The following CSTPP1 variants were observed in gnomAD, a reference collection of about 807,000 sequenced individuals.
CSTPP1 encodes UPF0705 protein C11orf49.
At chr11:46,974,894 AC>A in the CSTPP1 span, among the ~76,000 whole-genome samples, 2 of 102,500 alleles carry the variant, frequency 2.0e-5, no homozygotes, top group Non-Finnish European at 4.3e-5. Context: ...ACACACACAC[AC>A]ACACACACAA....
the CSTPP1 span, among the ~76,000 whole-genome samples, chr11:47,149,828 A>G: frequency 6.6e-6 from 1 of 152,030 alleles, no homozygotes; most frequent in African/African-American, 2.4e-5. Flanking sequence ...CACCCTTGGG[A>G]CAACACTGTC....
the CSTPP1 span, among the ~76,000 whole-genome samples, chr11:47,162,918 G>A: frequency 9.2e-4 from 140 of 152,244 alleles, no homozygotes; most frequent in South Asian, 0.011. Context: ...GTGGCTCATT[G>A]CCTGTAATCC....
chr11:47,083,447 G>A, the CSTPP1 span, among the ~76,000 whole-genome samples: 1 of 152,046 alleles, frequency 6.6e-6, no homozygotes, highest in Non-Finnish European at 1.5e-5. Flanking sequence ...CATGTTTTCA[G>A]TTCTCTTGGA....
the CSTPP1 span, among the ~76,000 whole-genome samples, chr11:47,085,262 G>C: frequency 6.6e-6 from 1 of 152,040 alleles, no homozygotes; most frequent in African/African-American, 2.4e-5. Context: ...GCTCACTTTT[G>C]TATAGATATA....
chr11:47,050,744 C>T, the CSTPP1 span, among the ~76,000 whole-genome samples: 5 of 152,172 alleles, frequency 3.3e-5, no homozygotes. Flanking sequence ...TATAACAGCT[C>T]ATTTGCTGTA....
the CSTPP1 span, among the ~76,000 whole-genome samples, chr11:47,079,932 A>G: frequency 4.6e-5 from 7 of 151,734 alleles, no homozygotes; most frequent in Non-Finnish European, 7.4e-5. Context: ...CGTCTCTATT[A>G]AAAATACAAA....
At chr11:47,161,242 G>C in the CSTPP1 span, 1 of 1,613,762 alleles carries the variant, frequency 6.2e-7, no homozygotes, top group South Asian at 1.1e-5. Context: ...AGACGGGTCG[G>C]ACACGGCTGT....
chr11:47,097,632 G>A, the CSTPP1 span, among the ~76,000 whole-genome samples: 5 of 112,590 alleles, frequency 4.4e-5, no homozygotes, highest in Non-Finnish European at 9.7e-5. Flanking sequence ...GAGGGAGGTG[G>A]GGGGGTCGGC....
chr11:47,144,980 A>ATTTTTTTTT, the CSTPP1 span, among the ~76,000 whole-genome samples: 1 of 92,874 alleles, frequency 1.1e-5, no homozygotes, highest in Non-Finnish European at 2.1e-5. Flanking sequence ...ATTGCCTGCC[A>ATTTTTTTTT]TTTTTTTTTT....
At chr11:47,116,675 GTTTTTTTTTTTT>G in the CSTPP1 span, among the ~76,000 whole-genome samples, 5 of 83,908 alleles carry the variant, frequency 6.0e-5, no homozygotes, top group Non-Finnish European at 1.1e-4. Context: ...TGCTTGGTAG[GTTTTTTTTTTTT>G]TTTTTTTTTT....
chr11:47,052,585 C>T, the CSTPP1 span: 3 of 1,555,770 alleles, frequency 1.9e-6, no homozygotes, highest in Admixed American at 3.7e-5. Context: ...CTTCCTTCCT[C>T]TCTCTCTCTT....
At chr11:47,104,323 C>T in the CSTPP1 span, among the ~76,000 whole-genome samples, 1 of 152,332 alleles carries the variant, frequency 6.6e-6, no homozygotes, top group Non-Finnish European at 1.5e-5. Flanking sequence ...AAATCTAACA[C>T]ATTGTCCTTT....
At chr11:46,994,594 G>A in the CSTPP1 span, among the ~76,000 whole-genome samples, 2 of 152,170 alleles carry the variant, frequency 1.3e-5, no homozygotes, top group African/African-American at 4.8e-5. Flanking sequence ...ATTTGTGTAT[G>A]TTGAACCAGT....
chr11:47,063,567 G>C, the CSTPP1 span, among the ~76,000 whole-genome samples: 1 of 152,256 alleles, frequency 6.6e-6, no homozygotes, highest in East Asian at 1.9e-4. Flanking sequence ...TCAGATAAGT[G>C]TGTACAATAT....
At chr11:46,969,646 A>G in the CSTPP1 span, among the ~76,000 whole-genome samples, 1 of 152,250 alleles carries the variant, frequency 6.6e-6, no homozygotes, top group Non-Finnish European at 1.5e-5. Context: ...GAACTGATAA[A>G]TAAATTGTGG....
At chr11:46,958,779 A>G in the CSTPP1 span, among the ~76,000 whole-genome samples, 2 of 152,168 alleles carry the variant, frequency 1.3e-5, no homozygotes, top group African/African-American at 4.8e-5. Flanking sequence ...GAGGAGGAGC[A>G]GTGTGCTGGT....
chr11:46,979,508 A>C, the CSTPP1 span, among the ~76,000 whole-genome samples: 1 of 152,186 alleles, frequency 6.6e-6, no homozygotes, highest in Non-Finnish European at 1.5e-5. Context: ...TATGTCCCTT[A>C]GATTGTAACT....
At chr11:47,148,341 A>C in the CSTPP1 span, among the ~76,000 whole-genome samples, 1 of 152,040 alleles carries the variant, frequency 6.6e-6, no homozygotes, top group Non-Finnish European at 1.5e-5. Flanking sequence ...CATGACTGAC[A>C]CCTTGACCTG....
At chr11:47,136,900 T>C in the CSTPP1 span, among the ~76,000 whole-genome samples, 1 of 152,214 alleles carries the variant, frequency 6.6e-6, no homozygotes, top group African/African-American at 2.4e-5. Flanking sequence ...GTGTATTTCT[T>C]CTCCCTCAGG....
Sources: allele counts gnomAD v4.1 joint callset (sites outside exome capture counted in the v4.1 genomes callset), GRCh38; gene constraint gnomAD v4.1.1; transcripts MANE v1.5; gene names NCBI Gene and HGNC (gene_info 2026-07-23, HGNC 2026-07-21).